The following DNAH8 variants were observed in gnomAD, a reference collection of about 807,000 sequenced individuals.
DNAH8 encodes the protein axonemal beta dynein heavy chain 8.
A neutral mutation model predicts 562.1 loss-of-function variants in DNAH8; 382 were observed. The observed-to-expected ratio is 0.68, with a 90% CI of 0.63 to 0.74. The LOEUF (loss-of-function observed/expected upper bound fraction) is 0.74. Ranked by LOEUF, DNAH8 falls within the 30% of genes least tolerant of loss-of-function variation. DNAH8 has a pLI of 0.00. For synonymous variants in DNAH8, 1,881 were observed against 1,919.4 expected, an observed-to-expected ratio of 0.98 and a Z score of 0.52; for missense variants, 5,203 against 5,620.4, an observed-to-expected ratio of 0.93 and a Z score of 2.37.
chr6:38,801,027 A>T (rs1378609354), intron 21 of DNAH8, among the ~76,000 whole-genome samples: 1 of 151,858 alleles, frequency 6.6e-6, no homozygotes, highest in East Asian at 1.9e-4. Flanking sequence ...GTGTTCTTTG[A>T]TGCACAAAAG....
chr6:38,782,349 C>T (rs531766495), intron 16 of DNAH8, among the ~76,000 whole-genome samples: 1 of 151,912 alleles, frequency 6.6e-6, no homozygotes, highest in Non-Finnish European at 1.5e-5. Context: ...GGCGCAGTCT[C>T]GGCTCACTGC....
At chr6:38,827,070 C>G (rs1429697169) in intron 29 of DNAH8, among the ~76,000 whole-genome samples, 1 of 152,122 alleles carries the variant, frequency 6.6e-6, no homozygotes, top group African/African-American at 2.4e-5. Context: ...TTTCTAGCTT[C>G]TAGGGGCTGC....
At chr6:38,783,589 G>A (rs987580064) in intron 17 of DNAH8, among the ~76,000 whole-genome samples, 1 of 151,806 alleles carries the variant, frequency 6.6e-6, no homozygotes, top group African/African-American at 2.4e-5. Flanking sequence ...TTAATTTCAG[G>A]TTTGAGCTCC....
In DNAH8 at chr6:38,755,198, T is replaced by C. The variant is rs146370765; in HGVS notation, c.1408-774T>C. ...TTCTTAATAGCACAGAAAATAATGGTGCAATCTTACAATCCGTGATGTTTT... is the reference window on the plus strand; with the variant it reads ...TTCTTAATAGCACAGAAAATAATGGCGCAATCTTACAATCCGTGATGTTTT... On this transcript the variant is annotated intron_variant, in intron 9 of 92. Coordinates refer to ENST00000327475, the MANE Select transcript of DNAH8 (RefSeq NM_001206927.2). Among the ~76,000 whole-genome samples, 38 of 152,290 alleles carry C rather than the reference T, an allele frequency of 2.5e-4. No homozygotes were observed. In the East Asian group the frequency reaches 6.6e-3, roughly 26 times the overall value.
At chr6:38,763,877 A>G (rs1738180) in intron 11 of DNAH8, 33,932 of 153,462 alleles carry the variant, frequency 0.22, 4,157 homozygotes, top group East Asian at 0.46. Flanking sequence ...AAAGAAAAAC[A>G]AAGACAAGCT....
intron 88 of DNAH8, among the ~76,000 whole-genome samples, chr6:38,991,548 C>T (rs980653794): frequency 3.5e-4 from 54 of 152,188 alleles, no homozygotes; most frequent in Non-Finnish European, 5.4e-4. Flanking sequence ...TCAGAATCCT[C>T]CCAAGGTTCC....
chr6:38,800,169 C>G (rs898208930), intron 21 of DNAH8, among the ~76,000 whole-genome samples: 1 of 151,526 alleles, frequency 6.6e-6, no homozygotes, highest in Non-Finnish European at 1.5e-5. Context: ...GTTGTTTCCA[C>G]TTTTTGGCTA....
chr6:38,897,866 T>A (rs2150502091), intron 60 of DNAH8, among the ~76,000 whole-genome samples: 1 of 152,324 alleles, frequency 6.6e-6, no homozygotes, highest in African/African-American at 2.4e-5. Flanking sequence ...TGGGTGTGGA[T>A]TTATTTCAGA....
chr6:38,992,617 C>T (rs544328680), intron 88 of DNAH8, among the ~76,000 whole-genome samples: 1 of 152,280 alleles, frequency 6.6e-6, no homozygotes, highest in Admixed American at 6.5e-5. Flanking sequence ...ACTGGGGAGT[C>T]ACGAGAGCTG....
intron 49 of DNAH8, among the ~76,000 whole-genome samples, chr6:38,872,084 C>G (rs1777511333): frequency 6.6e-6 from 1 of 152,190 alleles, no homozygotes; most frequent in Admixed American, 6.5e-5. Flanking sequence ...CACAGGAATC[C>G]TCATTCATGA....
At position 38,832,376 on chromosome 6, in the gene DNAH8, C is replaced by A; in HGVS notation, c.4243C>A (p.Leu1415Ile). Residue 1415 changes from leucine to isoleucine, a missense_variant, in exon 31 of 93, where the codon CTT (leucine) becomes ATT (isoleucine). Transcript: ENST00000327475. ...GCAGCCAAAGTTTAAAAGCAATCTA[C>A]TTGAGTCTGTGGAAGTTTTTCGTGA... ...QVQPKFKSNL[L>I]ESVEVFREDV... 1.2e-6 allele frequency: 2 copies of A among 1,613,924 alleles called. No individual in the cohort carries two copies. Among genetic ancestry groups the A allele is most frequent in the Non-Finnish European group, 1.7e-6 (2 of 1,179,864 alleles).
intron 1 of DNAH8, among the ~76,000 whole-genome samples, chr6:38,715,921 AATAAATAT>A (rs1264495689): frequency 1.4e-4 from 6 of 43,418 alleles, no homozygotes; most frequent in East Asian, 6.9e-4. Context: ...TAAATAAATA[AATAAATAT>A]ATATATATAT....
At chr6:38,983,644 T>G (rs1272870203) in intron 86 of DNAH8, among the ~76,000 whole-genome samples, 4 of 152,242 alleles carry the variant, frequency 2.6e-5, no homozygotes, top group African/African-American at 9.6e-5. Context: ...ACTGCTAAAC[T>G]GCAATATATT....
At chr6:38,904,487 A>G (rs1780293873) in intron 62 of DNAH8, among the ~76,000 whole-genome samples, 1 of 152,116 alleles carries the variant, frequency 6.6e-6, no homozygotes, top group South Asian at 2.1e-4. Flanking sequence ...CTAAGCAGGT[A>G]GATAATTAAT....
intron 75 of DNAH8, among the ~76,000 whole-genome samples, chr6:38,931,054 G>T (rs1358499928): frequency 1.3e-5 from 2 of 152,044 alleles, no homozygotes; most frequent in Non-Finnish European, 2.9e-5. Context: ...GCCAAAGGAG[G>T]TTATAGAATC....
chr6:38,990,591 A>G, intron 88 of DNAH8, among the ~76,000 whole-genome samples: 1 of 152,124 alleles, frequency 6.6e-6, no homozygotes, highest in East Asian at 1.9e-4. Flanking sequence ...GAAGAATCGT[A>G]TTTCTGCCTG....
chr6:38,894,043 A>G (rs1779516102), intron 58 of DNAH8, among the ~76,000 whole-genome samples: 1 of 152,186 alleles, frequency 6.6e-6, no homozygotes, highest in Non-Finnish European at 1.5e-5. Context: ...TTAGCATATA[A>G]TACAGTCTTT....
rs77845495 is a variant in DNAH8 at position 38,918,535 on chromosome 6, A to C, written c.10524+395A>C. Among the ~76,000 whole-genome samples, 1,446 of 152,352 alleles carry C rather than the reference A, an allele frequency of 9.5e-3. 19 individuals are homozygous for C. Among genetic ancestry groups the C allele is most frequent in the African/African-American group, 0.031 (1,309 of 41,586 alleles). ...CCTAGAAAGGTTTTAAATTTCAAAG[A>C]CAGAAGGAGAACCTTAAATGCAATC... On this transcript the variant is annotated intron_variant, in intron 70 of 92. Transcript: ENST00000327475.
chr6:38,932,825 G>A, intron 76 of DNAH8: 1 of 152,256 alleles, frequency 6.6e-6, no homozygotes, highest in Non-Finnish European at 1.5e-5. Flanking sequence ...GAAGGGAGAG[G>A]GAAATGACAC....
Sources: gnomAD v4.1 joint callset for allele counts (sites outside exome capture counted in the v4.1 genomes callset) on GRCh38, gnomAD v4.1.1 for gene constraint, MANE v1.5 for transcripts, NCBI Gene and HGNC (gene_info 2026-07-23, HGNC 2026-07-21) for gene names.